HUNK: variants seen among roughly 807,000 people sequenced by gnomAD.
The protein encoded by HUNK is hormonally up-regulated Neu-associated kinase, also known as hormonally up-regulated neu tumor-associated kinase.
HUNK carries 21 observed loss-of-function variants against 61.0 expected under a neutral mutation model. That is an observed-to-expected ratio of 0.34 (90% CI 0.24 to 0.50). The LOEUF (loss-of-function observed/expected upper bound fraction) is 0.50, where lower values mean the gene tolerates loss of function less well. HUNK is among the 20% of genes least tolerant of loss of function. The pLI is 0.98. For missense variants in HUNK, 772 were observed against 945.7 expected (o/e 0.82, Z 2.41); for synonymous variants, 371 against 386.1 (o/e 0.96, Z 0.46).
At chr21:31,926,132 G>A (rs567380848) in intron 2 of HUNK, among the ~76,000 whole-genome samples, 27 of 152,032 alleles carry the variant, frequency 1.8e-4, no homozygotes, top group African/African-American at 6.0e-4. Flanking sequence ...TGGTCAGGCT[G>A]GTCTTGAACT....
chr21:31,964,037 A>G (rs556286699), intron 5 of HUNK, among the ~76,000 whole-genome samples: 3 of 152,242 alleles, frequency 2.0e-5, no homozygotes, highest in East Asian at 1.9e-4. Flanking sequence ...TGGCACTTGT[A>G]TGTCACAGAG....
chr21:31,979,512 A>ATTTTTTTT lies in HUNK; in HGVS notation c.1174-4012_1174-4011insTTTTTTTT, dbSNP rs1568940203. Among the ~76,000 whole-genome samples, 2 of 99,508 alleles carry ATTTTTTTT rather than the reference A, an allele frequency of 2.0e-5. 1 individual carries two copies. Among genetic ancestry groups the ATTTTTTTT allele is most frequent in the African/African-American group, 7.8e-5 (2 of 25,514 alleles). The allele number at this position is 99,508 out of a possible 152,430, so 65.3% of individuals were successfully genotyped here. A position where few individuals can be genotyped will look rare whatever the true frequency, so the allele number is the denominator to read the frequency against. ...GTTTTCTGGCTATTGAGTTGTTTGC[A>ATTTTTTTT]TTCTTTTTTTTTTTTTTTTTTTTTT... On this transcript the variant is annotated intron_variant, in intron 7 of 10. Transcript: ENST00000270112.
intron 1 of HUNK, among the ~76,000 whole-genome samples, chr21:31,900,552 C>T (rs1290736505): frequency 6.6e-6 from 1 of 151,884 alleles, no homozygotes; most frequent in Non-Finnish European, 1.5e-5. Context: ...TGCAGGTCTC[C>T]ATGTGGAAGC....
rs113102037 is a variant in HUNK, at chr21:31,947,871, G to A, written c.746+1700G>A. Among the ~76,000 whole-genome samples, 377 of 152,298 alleles carry A rather than the reference G, an allele frequency of 2.5e-3. 2 individuals carry two copies. Among genetic ancestry groups the A allele is most frequent in the African/African-American group, 8.5e-3 (354 of 41,564 alleles). On this transcript the variant is annotated intron_variant, in intron 4 of 10. Coordinates refer to ENST00000270112, the MANE Select transcript of HUNK (RefSeq NM_014586.2). ...ATATAGACGAGAAAGACTCGTTTGC[G>A]TGAAGGGTGTGTTGATCCGGAGTAT...
At chr21:31,884,658 T>A (rs1253698651) in intron 1 of HUNK, among the ~76,000 whole-genome samples, 1 of 152,092 alleles carries the variant, frequency 6.6e-6, no homozygotes, top group Non-Finnish European at 1.5e-5. Flanking sequence ...ATATGAGGAC[T>A]CAGTGAAAAG....
chr21:31,979,352 T>G lies in HUNK; in HGVS notation c.1174-4174T>G, dbSNP rs1299161970. On this transcript the variant is annotated intron_variant, in intron 7 of 10. Coordinates refer to ENST00000270112, the MANE Select transcript of HUNK (RefSeq NM_014586.2). ...CAGGATGGTCTCAATCTCTTGACCT[T>G]GTGATCTGCCTGCCTCGGCCTCCCA... Among the ~76,000 whole-genome samples the G allele has an allele frequency of 2.0e-5, 3 of 151,194 alleles. No individual in the cohort carries two copies. The East Asian group carries it at 5.9e-4, about 30-fold the overall frequency.
At chr21:31,893,921 T>C (rs1474496924) in intron 1 of HUNK, among the ~76,000 whole-genome samples, 1 of 152,210 alleles carries the variant, frequency 6.6e-6, no homozygotes, top group Non-Finnish European at 1.5e-5. Context: ...CCAATGTGCA[T>C]CGAAGGCCTC....
intron 1 of HUNK, among the ~76,000 whole-genome samples, chr21:31,907,496 C>T (rs1288178368): frequency 6.6e-6 from 1 of 152,134 alleles, no homozygotes; most frequent in Non-Finnish European, 1.5e-5. Flanking sequence ...TGTGGATTCT[C>T]TTGTGCCATT....
intron 4 of HUNK, among the ~76,000 whole-genome samples, chr21:31,949,620 G>A (rs1052844466): frequency 1.3e-5 from 2 of 152,104 alleles, no homozygotes; most frequent in African/African-American, 4.8e-5. Flanking sequence ...AAAGGCTATG[G>A]GAGCCTGAAA....
chr21:31,990,082 T>C (rs370891382), intron 8 of HUNK, 47 bp from the exon 9 acceptor site: 31 of 1,541,034 alleles, frequency 2.0e-5, no homozygotes, highest in Non-Finnish European at 2.5e-5. Flanking sequence ...AGGGAATAAA[T>C]AGCAGGTGCA....
intron 1 of HUNK, among the ~76,000 whole-genome samples, chr21:31,911,502 G>C (rs980148279): frequency 6.6e-6 from 1 of 152,208 alleles, no homozygotes; most frequent in African/African-American, 2.4e-5. Flanking sequence ...GGGTCAAGCC[G>C]AGGGAGCCGT....
chr21:31,995,219 C>T (rs1251508123), intron 9 of HUNK, among the ~76,000 whole-genome samples: 1 of 148,614 alleles, frequency 6.7e-6, no homozygotes, highest in Non-Finnish European at 1.5e-5. Context: ...GTACTAAGTA[C>T]GCAAGTAAGT....
intron 5 of HUNK, among the ~76,000 whole-genome samples, chr21:31,961,100 C>T (rs376784174): frequency 6.6e-6 from 1 of 152,208 alleles, no homozygotes; most frequent in Admixed American, 6.5e-5. Context: ...CAGCTACCTT[C>T]CTTCCTCCTG....
chr21:31,923,157 C>CA (rs1369873087), intron 1 of HUNK, among the ~76,000 whole-genome samples: 2 of 152,246 alleles, frequency 1.3e-5, no homozygotes, highest in Non-Finnish European at 2.9e-5. Flanking sequence ...AAAGAAGGAA[C>CA]AGGGCAGCCG....
At chr21:31,895,760 T>C (rs991735083) in intron 1 of HUNK, among the ~76,000 whole-genome samples, 15 of 152,194 alleles carry the variant, frequency 9.9e-5, no homozygotes, top group African/African-American at 3.6e-4. Flanking sequence ...GTTGCTGAGC[T>C]CTTGTCATCC....
chr21:31,927,295 C>A (rs2052667404), intron 2 of HUNK, among the ~76,000 whole-genome samples: 1 of 152,046 alleles, frequency 6.6e-6, no homozygotes, highest in African/African-American at 2.4e-5. Flanking sequence ...CCCTCCTCAG[C>A]CACACCCAAA....
chr21:31,891,646 A>C (rs1459113248), intron 1 of HUNK, among the ~76,000 whole-genome samples: 4 of 152,226 alleles, frequency 2.6e-5, no homozygotes, highest in South Asian at 2.1e-4. Context: ...ATCTTTAGCT[A>C]AACTTTATTT....
intron 2 of HUNK, among the ~76,000 whole-genome samples, chr21:31,938,781 G>C (rs1287136348): frequency 1.3e-5 from 2 of 152,230 alleles, no homozygotes; most frequent in African/African-American, 4.8e-5. Context: ...GTGCGTGTGT[G>C]TAAGAGTGTT....
intron 1 of HUNK, among the ~76,000 whole-genome samples, chr21:31,881,648 C>G (rs1389470303): frequency 6.6e-6 from 1 of 152,096 alleles, no homozygotes; most frequent in African/African-American, 2.4e-5. Flanking sequence ...ACAACAACAA[C>G]AACAACAACA....
Sources: allele counts gnomAD v4.1 joint callset (sites outside exome capture counted in the v4.1 genomes callset), GRCh38; gene constraint gnomAD v4.1.1; transcripts MANE v1.5; gene names NCBI Gene and HGNC (gene_info 2026-07-23, HGNC 2026-07-21).